Variants in KIAA1755 observed in about 807,000 individuals in gnomAD.
KIAA1755 encodes the protein uncharacterized protein KIAA1755.
In KIAA1755, 68 loss-of-function variants were observed where a neutral mutation model predicts 91.7. The ratio of observed to expected loss-of-function variants is 0.74; its 90% CI spans 0.61 to 0.91. The LOEUF is 0.91. KIAA1755 is among the 40% of genes least tolerant of loss of function. KIAA1755 has a pLI of 0.00. For missense variants in KIAA1755, 1,535 were observed against 1,494.4 expected (o/e 1.03, Z -0.45); for synonymous variants, 610 against 604.6 (o/e 1.01, Z -0.13).
rs1232203429 is a variant in KIAA1755, at chr20:38,211,493, C to G, written c.*1549G>C. The G allele has an allele frequency of 6.6e-6, 1 of 152,360 alleles. No homozygotes were observed. The highest frequency in any genetic ancestry group is 1.5e-5 in the Non-Finnish European group (1 of 68,190). The allele number at this position is 152,360 out of a possible 1,614,324, so 9.4% of individuals were successfully genotyped here. ...ATGAAGGGTGGGGCTTCTGGATGCT[C>G]CATCTAAGATCCGACAGATAGGCCC... On this transcript the variant is annotated 3_prime_UTR_variant, in exon 14 of 14. Transcript: ENST00000279024.
intron 13 of KIAA1755, 88 bp downstream of exon 13, chr20:38,217,165 A>G (rs1600563228): frequency 8.5e-7 from 1 of 1,180,310 alleles, no homozygotes; most frequent in East Asian, 2.6e-5. Context: ...CAGTCAGGCC[A>G]TGGGGCTGTG....
At chr20:38,236,360 A>G (rs1386823235) in intron 4 of KIAA1755, among the ~76,000 whole-genome samples, 2 of 152,226 alleles carry the variant, frequency 1.3e-5, no homozygotes, top group Non-Finnish European at 2.9e-5. Context: ...GGCTGGAAAA[A>G]TCAGTGTCGG....
At chr20:38,249,970 G>A (rs906320440) in intron 1 of KIAA1755, among the ~76,000 whole-genome samples, 4 of 152,198 alleles carry the variant, frequency 2.6e-5, no homozygotes, top group African/African-American at 9.7e-5. Flanking sequence ...GTGCAGCCTT[G>A]AGTAGGTCCT....
chr20:38,241,359 C>T lies in KIAA1755; in HGVS notation c.772G>A (p.Glu258Lys). The T allele has an allele frequency of 1.9e-6, 3 of 1,614,216 alleles. No homozygotes were observed. The highest frequency in any genetic ancestry group is 2.5e-6 in the Non-Finnish European group (3 of 1,180,038). ...LIKVEQARCG[E>K]VAFRMDEVVS... is the part of the protein sequence containing the mutation. The stretch of plus-strand genomic sequence containing the variant: ...ACCTCGTCCATCCTGAAAGCCACCT[C>T]CCCACACCGGGCTTGCTCCACCTTG... The change falls in exon 3 of 14, where the codon GAG becomes AAG. Residue 258 changes from glutamate to lysine, a missense_variant. Transcript: ENST00000279024.
chr20:38,226,945 G>T (rs1252914679), intron 7 of KIAA1755, among the ~76,000 whole-genome samples: 1 of 152,208 alleles, frequency 6.6e-6, no homozygotes, highest in Non-Finnish European at 1.5e-5. Context: ...TTGCCAGAGA[G>T]ATATCACTCT....
chr20:38,217,314 G>A lies in KIAA1755; in HGVS notation c.2840C>T (p.Ala947Val), dbSNP rs765595481. Residue 947 changes from alanine to valine, a missense_variant, in exon 13 of 14, where the codon GCG becomes GTG. Physicochemically the swap from Ala to Val is moderately conservative, Grantham distance 64. Coordinates refer to ENST00000279024, the MANE Select transcript of KIAA1755 (RefSeq NM_001029864.2). ...FQAELTHFYM[A>V]AERQRTDLET... ...GAGGTCCGTGCGTTGCCGCTCGGCC[G>A]CCATGTAAAAGTGGGTCAGCTCAGC... 2.0e-5 allele frequency: 33 copies of A among 1,610,432 alleles called. No individual in the cohort carries two copies. Among genetic ancestry groups the A allele is most frequent in the African/African-American group, 5.3e-5 (4 of 74,912 alleles).
chr20:38,241,807 T>G lies in KIAA1755; in HGVS notation c.324A>C (p.Gln108His). 1.2e-6 allele frequency: 2 copies of G among 1,614,140 alleles called. No homozygotes were observed. The highest frequency in any genetic ancestry group is 1.7e-6 in the Non-Finnish European group (2 of 1,180,020). ...LLLRQGDFYL[Q>H]VEPQEEQSVC... Reference sequence around the variant, plus strand: ...CAGACTGCTCCTCCTGGGGCTCCACTTGGAGGTAGAAGTCACCCTGGCGCA... The same window carrying G: ...CAGACTGCTCCTCCTGGGGCTCCACGTGGAGGTAGAAGTCACCCTGGCGCA... The change falls in exon 3 of 14, where the codon CAA becomes CAC. Residue 108 changes from glutamine (Q) to histidine (H), a missense_variant. By Grantham distance (24) the Gln-to-His change is conservative. Coordinates refer to ENST00000279024, the MANE Select transcript of KIAA1755 (RefSeq NM_001029864.2).
intron 3 of KIAA1755, among the ~76,000 whole-genome samples, chr20:38,240,244 G>A (rs1344039678): frequency 6.6e-6 from 1 of 152,074 alleles, no homozygotes; most frequent in African/African-American, 2.4e-5. Context: ...TTCTGGTGTC[G>A]CTTTGAACCC....
At chr20:38,218,481 G>T in intron 11 of KIAA1755, 115 bp from the exon 12 acceptor site, 1 of 1,378,004 alleles carries the variant, frequency 7.3e-7, no homozygotes, top group Non-Finnish European at 9.8e-7. Context: ...CAGTGGCTAG[G>T]CCTGTGACCA....
intron 10 of KIAA1755, 81 bp downstream of exon 10, chr20:38,222,368 C>G: frequency 6.8e-7 from 1 of 1,471,710 alleles, no homozygotes. Flanking sequence ...CTATGTGTGC[C>G]CTAGGTGGTG....
rs1287705108 is a variant in KIAA1755 at position 38,235,370 on chromosome 20, T to TGGC, written c.1748-4046_1748-4045insGCC. Reference sequence around the variant, plus strand: ...ATGCCCTAATCCCCAGAACCTTGAATATGTTACCTTACATGGCAAAAGGGA... The same window carrying TGGC: ...ATGCCCTAATCCCCAGAACCTTGAATGGCATGTTACCTTACATGGCAAAAGGGA... On this transcript the variant is annotated intron_variant, in intron 4 of 13. Transcript: ENST00000279024. Among the ~76,000 whole-genome samples, 116 of 152,268 alleles carry TGGC rather than the reference T, an allele frequency of 7.6e-4. 1 individual carries two copies. The highest frequency in any genetic ancestry group is 7.2e-4 in the Admixed American group (11 of 15,292).
Position 38,239,661 on chromosome 20 carries a change from CT to C in KIAA1755, c.1613del (p.Lys538ArgfsTer32). ...ATAPSPLTEE[K>X]AALPEASAGS... ...CTGCAGAAGCTTCTGGCAAGGCAGC[CT>C]TTTCCTCAGTCAGTGGGCTGGGGGC... On this transcript the variant is annotated frameshift_variant, in exon 4 of 14. Coordinates refer to ENST00000279024, the MANE Select transcript of KIAA1755 (RefSeq NM_001029864.2). LOFTEE classifies it high-confidence loss of function. 6.2e-7 allele frequency: 1 copy of C among 1,608,182 alleles called. No individual in the cohort carries two copies.
intron 13 of KIAA1755, among the ~76,000 whole-genome samples, chr20:38,214,197 C>G (rs897380824): frequency 6.6e-6 from 1 of 152,112 alleles, no homozygotes; most frequent in Non-Finnish European, 1.5e-5. Flanking sequence ...GTGATCCACC[C>G]GCCGCAGCCT....
At chr20:38,217,231 G>A in intron 13 of KIAA1755, 22 bp downstream of exon 13, 1 of 1,569,694 alleles carries the variant, frequency 6.4e-7, no homozygotes, top group Non-Finnish European at 8.6e-7. Context: ...GGGTATCTGT[G>A]CAGGTGGGCC....
intron 2 of KIAA1755, 109 bp downstream of exon 2, chr20:38,245,820 C>T: frequency 1.0e-6 from 1 of 997,312 alleles, no homozygotes; most frequent in Non-Finnish European, 1.5e-6. Flanking sequence ...ACACCCTCAG[C>T]TCCCCGTGAA....
intron 8 of KIAA1755, among the ~76,000 whole-genome samples, chr20:38,224,193 A>G (rs1057133813): frequency 2.0e-5 from 3 of 152,154 alleles, no homozygotes; most frequent in Non-Finnish European, 4.4e-5. Flanking sequence ...TAATATATGC[A>G]AGGCACTTAG....
chr20:38,251,567 CTTTTT>C (rs35945102), intron 1 of KIAA1755, among the ~76,000 whole-genome samples: 4 of 137,602 alleles, frequency 2.9e-5, no homozygotes, highest in African/African-American at 5.5e-5. Context: ...CTATTATAGT[CTTTTT>C]TTTTTTTTTT....
At chr20:38,219,846 C>A in intron 10 of KIAA1755, 78 bp from the exon 11 acceptor site, 1 of 1,547,914 alleles carries the variant, frequency 6.5e-7, no homozygotes, top group Non-Finnish European at 8.8e-7. Flanking sequence ...CATAGGCCTG[C>A]CCCTCCATCT....
At chr20:38,219,234 T>C (rs2075610201) in intron 11 of KIAA1755, among the ~76,000 whole-genome samples, 1 of 151,836 alleles carries the variant, frequency 6.6e-6, no homozygotes, top group Non-Finnish European at 1.5e-5. Context: ...CAGGTGCAGG[T>C]TCCAGAATCA....
Sources: allele counts gnomAD v4.1 joint callset (sites outside exome capture counted in the v4.1 genomes callset), GRCh38; gene constraint gnomAD v4.1.1; transcripts MANE v1.5; gene names NCBI Gene and HGNC (gene_info 2026-07-23, HGNC 2026-07-21).